ZNF385D: variants seen among roughly 807,000 people sequenced by gnomAD.
ZNF385D encodes the protein zinc finger protein 659.
A neutral mutation model predicts 35.8 loss-of-function variants in ZNF385D; 15 were observed. That is an observed-to-expected ratio of 0.42 (90% CI 0.28 to 0.64). ZNF385D has a LOEUF of 0.64. Among genes scored for constraint, ZNF385D ranks in the 30% least tolerant of loss-of-function variants. The pLI, the probability that ZNF385D is intolerant of heterozygous loss-of-function variation, is 0.23. For missense variants in ZNF385D, 474 were observed against 494.6 expected (o/e 0.96, Z 0.39); for synonymous variants, 212 against 186.8 (o/e 1.13, Z -1.10).
chr3:21,989,560 G>C (rs1293709981), intron 3 of ZNF385D, among the ~76,000 whole-genome samples: 1 of 152,124 alleles, frequency 6.6e-6, no homozygotes, highest in African/African-American at 2.4e-5. Flanking sequence ...TTGAATAAAT[G>C]ATGAAATAGG....
At chr3:22,126,161 C>T (rs1037907656) in intron 3 of ZNF385D, among the ~76,000 whole-genome samples, 2 of 151,810 alleles carry the variant, frequency 1.3e-5, no homozygotes, top group African/African-American at 2.4e-5. Context: ...CAGCATCAAT[C>T]GAAATGATTA....
intron 2 of ZNF385D, among the ~76,000 whole-genome samples, chr3:22,201,432 A>G (rs531579748): frequency 3.9e-5 from 6 of 152,280 alleles, no homozygotes. Flanking sequence ...ATGTTTACAT[A>G]TACATGTAGA....
At chr3:22,182,546 G>A (rs966763193) in intron 2 of ZNF385D, among the ~76,000 whole-genome samples, 6 of 151,712 alleles carry the variant, frequency 4.0e-5, no homozygotes, top group Admixed American at 6.6e-5. Context: ...TACCATATAA[G>A]AAGAAATTTA....
At chr3:21,939,271 T>C (rs1701404547) in intron 3 of ZNF385D, among the ~76,000 whole-genome samples, 1 of 152,196 alleles carries the variant, frequency 6.6e-6, no homozygotes, top group Non-Finnish European at 1.5e-5. Context: ...GGGTTTAATA[T>C]GAACATAATT....
intron 3 of ZNF385D, among the ~76,000 whole-genome samples, chr3:21,881,960 G>A (rs1193935101): frequency 5.3e-5 from 8 of 152,002 alleles, no homozygotes; most frequent in Non-Finnish European, 7.4e-5. Context: ...CTGAGTTGTT[G>A]CAATCTCAAA....
chr3:22,088,841 C>A (rs1456705516), intron 3 of ZNF385D, among the ~76,000 whole-genome samples: 1 of 151,958 alleles, frequency 6.6e-6, no homozygotes, highest in Non-Finnish European at 1.5e-5. Context: ...GAGATTAATC[C>A]TTCTCCAGTG....
At chr3:21,795,339 C>T (rs147157253) in intron 3 of ZNF385D, among the ~76,000 whole-genome samples, 1 of 152,322 alleles carries the variant, frequency 6.6e-6, no homozygotes, top group East Asian at 1.9e-4. Flanking sequence ...CAGTGACAGG[C>T]TATGGACTCA....
intron 3 of ZNF385D, among the ~76,000 whole-genome samples, chr3:21,775,491 T>C (rs1455686381): frequency 1.3e-5 from 2 of 151,896 alleles, no homozygotes; most frequent in African/African-American, 4.8e-5. Context: ...ACTCCAAAAA[T>C]AGTCTAAACT....
intron 3 of ZNF385D, among the ~76,000 whole-genome samples, chr3:21,932,875 C>T (rs1701082604): frequency 6.6e-6 from 1 of 152,110 alleles, no homozygotes; most frequent in African/African-American, 2.4e-5. Context: ...TTAACCATCA[C>T]AATAATAATT....
intron 3 of ZNF385D, among the ~76,000 whole-genome samples, chr3:21,882,279 A>G: frequency 6.6e-6 from 1 of 152,022 alleles, no homozygotes; most frequent in East Asian, 1.9e-4. Context: ...AGCCATCTCA[A>G]ACTTCAGCAA....
At chr3:22,142,606 C>G (rs1704577142) in intron 3 of ZNF385D, among the ~76,000 whole-genome samples, 1 of 152,088 alleles carries the variant, frequency 6.6e-6, no homozygotes, top group African/African-American at 2.4e-5. Flanking sequence ...AGAAACATAT[C>G]CGCACAGATT....
chr3:21,756,623 G>A (rs1051651502), intron 3 of ZNF385D, among the ~76,000 whole-genome samples: 1 of 152,046 alleles, frequency 6.6e-6, no homozygotes, highest in African/African-American at 2.4e-5. Context: ...AAGGAGAAGA[G>A]GGTTAACACT....
intron 3 of ZNF385D, among the ~76,000 whole-genome samples, chr3:22,097,890 C>G (rs1701714924): frequency 6.6e-6 from 1 of 151,922 alleles, no homozygotes; most frequent in African/African-American, 2.4e-5. Context: ...GTAATAATAC[C>G]CCTAGCCCAT....
At chr3:21,617,463 C>T (rs2064879985) in intron 2 of ZNF385D, among the ~76,000 whole-genome samples, 1 of 152,202 alleles carries the variant, frequency 6.6e-6, no homozygotes, top group Admixed American at 6.5e-5. Context: ...TTAGTGATAG[C>T]TAACATTACA....
At chr3:21,743,235 A>T (rs1298860237) in intron 1 of ZNF385D, among the ~76,000 whole-genome samples, 1 of 152,204 alleles carries the variant, frequency 6.6e-6, no homozygotes, top group Non-Finnish European at 1.5e-5. Flanking sequence ...GGTCACTGTA[A>T]ATATCAAAGA....
chr3:21,670,646 AGGC>A (rs56150196), intron 1 of ZNF385D, among the ~76,000 whole-genome samples: 35,178 of 49,500 alleles, frequency 0.71, 12,133 homozygotes, highest in Middle Eastern at 0.81. Flanking sequence ...TGAAATCCTA[AGGC>A]GCCCCCCCCC....
chr3:21,943,684 T>C (rs1284620948), intron 3 of ZNF385D, among the ~76,000 whole-genome samples: 1 of 152,124 alleles, frequency 6.6e-6, no homozygotes, highest in Non-Finnish European at 1.5e-5. Flanking sequence ...ATAACTAATG[T>C]AAACATGTAG....
At chr3:22,094,081 T>C (rs1701472180) in intron 3 of ZNF385D, among the ~76,000 whole-genome samples, 1 of 152,128 alleles carries the variant, frequency 6.6e-6, no homozygotes, top group South Asian at 2.1e-4. Flanking sequence ...AATAAAAGGC[T>C]ATTGCTGTTG....
intron 3 of ZNF385D, among the ~76,000 whole-genome samples, chr3:22,062,391 G>A (rs566163532): frequency 3.3e-5 from 5 of 152,162 alleles, no homozygotes; most frequent in African/African-American, 1.2e-4. Flanking sequence ...TCTTCTAAGT[G>A]GAAGAATTAA....
Sources: allele counts gnomAD v4.1 joint callset (sites outside exome capture counted in the v4.1 genomes callset), GRCh38; gene constraint gnomAD v4.1.1; transcripts MANE v1.5; gene names NCBI Gene and HGNC (gene_info 2026-07-23, HGNC 2026-07-21).